STXBP5L: variants seen among roughly 807,000 people sequenced by gnomAD.
STXBP5L encodes the protein syntaxin-binding protein 5-like.
A neutral mutation model predicts 144.5 loss-of-function variants in STXBP5L; 65 were observed. That is an observed-to-expected ratio of 0.45 (90% CI 0.37 to 0.55). The LOEUF (loss-of-function observed/expected upper bound fraction) is 0.55, where lower values mean the gene tolerates loss of function less well. Among genes scored for constraint, STXBP5L ranks in the 20% least tolerant of loss-of-function variants. The probability of loss-of-function intolerance (pLI) is 0.00; values close to 1 mark genes in which losing one functional copy is unlikely to be tolerated. For synonymous variants in STXBP5L, 505 were observed against 469.6 expected (o/e 1.08, Z -0.97); for missense variants, 1,298 against 1,405.5 (o/e 0.92, Z 1.22).
intron 22 of STXBP5L, among the ~76,000 whole-genome samples, chr3:121,400,491 T>C (rs1385928212): frequency 5.3e-5 from 8 of 152,114 alleles, no homozygotes; most frequent in Non-Finnish European, 4.4e-5. Flanking sequence ...TAGCAAACAG[T>C]TTTAAAGACT....
intron 11 of STXBP5L, among the ~76,000 whole-genome samples, chr3:121,224,384 A>G (rs2049057394): frequency 6.6e-6 from 1 of 152,200 alleles, no homozygotes; most frequent in Admixed American, 6.6e-5. Context: ...CTTTATTTCC[A>G]AAGTTACTAG....
rs942065031 is a variant in STXBP5L at position 121,420,614 on chromosome 3, T to C, written c.*1517T>C. 3 of 152,166 alleles carry C rather than the reference T, an allele frequency of 2.0e-5. No individual in the cohort carries two copies. Among genetic ancestry groups the C allele is most frequent in the Admixed American group, 6.5e-5 (1 of 15,276 alleles). 9.4% of individuals were successfully genotyped at this position (152,166 alleles called of 1,614,324 possible). A position where few individuals can be genotyped will look rare whatever the true frequency, so the allele number is the denominator to read the frequency against. ...AAGTCAAAAGTTATAGGAATGTATA[T>C]ATACACATTCCAGGACCCATCCTGT... On this transcript the variant is annotated 3_prime_UTR_variant, in exon 27 of 27. Coordinates refer to ENST00000471454, the MANE Select transcript of STXBP5L (RefSeq NM_001308330.2).
intron 9 of STXBP5L, among the ~76,000 whole-genome samples, chr3:121,173,529 A>G (rs539526380): frequency 1.3e-5 from 2 of 152,082 alleles, no homozygotes; most frequent in East Asian, 1.9e-4. Flanking sequence ...TAAAAAATCT[A>G]TGTATAAGTT....
At chr3:121,109,201 CT>C (rs1454323046) in intron 5 of STXBP5L, among the ~76,000 whole-genome samples, 2 of 151,910 alleles carry the variant, frequency 1.3e-5, no homozygotes, top group Non-Finnish European at 2.9e-5. Flanking sequence ...GATTTGTTGA[CT>C]TTTTTGAAGG....
At chr3:121,406,687 C>T (rs923640588) in intron 22 of STXBP5L, among the ~76,000 whole-genome samples, 1 of 151,802 alleles carries the variant, frequency 6.6e-6, no homozygotes, top group African/African-American at 2.4e-5. Context: ...ATTAAAATTG[C>T]CACCGTGAAT....
At chr3:121,098,446 A>C (rs2043241954) in intron 5 of STXBP5L, among the ~76,000 whole-genome samples, 1 of 152,192 alleles carries the variant, frequency 6.6e-6, no homozygotes, top group African/African-American at 2.4e-5. Flanking sequence ...TGAAGACAGT[A>C]CCATGCCATG....
intron 5 of STXBP5L, among the ~76,000 whole-genome samples, chr3:121,088,093 G>C (rs1174098061): frequency 6.6e-6 from 1 of 151,702 alleles, no homozygotes; most frequent in African/African-American, 2.4e-5. Flanking sequence ...TGACAAATGG[G>C]ATCTAATTAA....
Position 120,954,120 on chromosome 3 carries a change from T to G in STXBP5L, c.190-820T>G, listed in dbSNP as rs536252524. Among the ~76,000 whole-genome samples the G allele has an allele frequency of 4.6e-5, 7 of 152,292 alleles. No homozygotes were observed. In the South Asian group the frequency reaches 1.4e-3, roughly 32 times the overall value. Reference sequence around the variant, plus strand: ...CCAGGTATCTATATTATTTTGTGGATGCATTTTCAAGTTGCAGATGTCAGT... The same window carrying G: ...CCAGGTATCTATATTATTTTGTGGAGGCATTTTCAAGTTGCAGATGTCAGT... On this transcript the variant is annotated intron_variant, in intron 2 of 26. Coordinates refer to ENST00000471454, the MANE Select transcript of STXBP5L (RefSeq NM_001308330.2).
At chr3:121,093,253 C>T (rs1410886747) in intron 5 of STXBP5L, among the ~76,000 whole-genome samples, 1 of 152,140 alleles carries the variant, frequency 6.6e-6, no homozygotes, top group Admixed American at 6.5e-5. Flanking sequence ...TTTGTCTCTG[C>T]CCGGCTTTGG....
intron 5 of STXBP5L, among the ~76,000 whole-genome samples, chr3:121,109,583 G>C (rs968728770): frequency 6.6e-6 from 1 of 152,158 alleles, no homozygotes; most frequent in African/African-American, 2.4e-5. Flanking sequence ...TATGGTCTGA[G>C]AGACTGTTAT....
intron 6 of STXBP5L, among the ~76,000 whole-genome samples, chr3:121,119,004 G>A (rs988213329): frequency 6.6e-6 from 1 of 151,436 alleles, no homozygotes; most frequent in Non-Finnish European, 1.5e-5. Context: ...AGAATTTACT[G>A]GGTTGTTAAA....
At chr3:121,118,744 A>G (rs1037861928) in intron 6 of STXBP5L, among the ~76,000 whole-genome samples, 1 of 151,582 alleles carries the variant, frequency 6.6e-6, no homozygotes, top group South Asian at 2.1e-4. Context: ...AACATATTAA[A>G]GAAATATTTA....
At chr3:121,219,807 T>C (rs1182747635) in intron 10 of STXBP5L, among the ~76,000 whole-genome samples, 1 of 152,128 alleles carries the variant, frequency 6.6e-6, no homozygotes, top group Non-Finnish European at 1.5e-5. Context: ...TGGGATGTTA[T>C]AAGGATTAAA....
At position 121,047,824 on chromosome 3, in the gene STXBP5L, T is replaced by C. The variant is rs1177877205; in HGVS notation, c.470+2289T>C. ...CAGCTTGCCACTCTGTGCCTTTTAA[T>C]TGGAGCATTTAGCCAATTTACATTC... On this transcript the variant is annotated intron_variant, in intron 5 of 26. Coordinates refer to ENST00000471454, the MANE Select transcript of STXBP5L (RefSeq NM_001308330.2). Among the ~76,000 whole-genome samples, 4 of 152,298 alleles carry C rather than the reference T, an allele frequency of 2.6e-5. No individual in the cohort carries two copies. The East Asian group carries it at 5.8e-4, about 22-fold the overall frequency.
At chr3:121,255,727 TG>T (rs2050187504) in intron 16 of STXBP5L, among the ~76,000 whole-genome samples, 1 of 152,034 alleles carries the variant, frequency 6.6e-6, no homozygotes, top group South Asian at 2.1e-4. Context: ...AACATTTTTA[TG>T]GGGTAGATCT....
chr3:121,194,967 G>A (rs1275991340), intron 9 of STXBP5L, among the ~76,000 whole-genome samples: 1 of 134,480 alleles, frequency 7.4e-6, no homozygotes, highest in African/African-American at 2.8e-5. Flanking sequence ...CCAGGCTGGA[G>A]TGCAGTGGCG....
intron 14 of STXBP5L, 59 bp from the exon 15 acceptor site, chr3:121,250,664 G>T (rs2050000113): frequency 2.9e-6 from 4 of 1,375,688 alleles, no homozygotes; most frequent in Non-Finnish European, 2.0e-6. Context: ...TGTACATTTG[G>T]AGTGATTATG....
chr3:121,057,142 A>T (rs1210342048), intron 5 of STXBP5L, among the ~76,000 whole-genome samples: 1 of 151,974 alleles, frequency 6.6e-6, no homozygotes, highest in East Asian at 1.9e-4. Flanking sequence ...TGCAACATGG[A>T]TGAAACTCAT....
At chr3:121,025,415 C>G (rs1183803980) in intron 3 of STXBP5L, among the ~76,000 whole-genome samples, 1 of 152,026 alleles carries the variant, frequency 6.6e-6, no homozygotes, top group Admixed American at 6.6e-5. Context: ...TGGGTTTTCT[C>G]TAAATATAAA....
Sources: allele counts gnomAD v4.1 joint callset (sites outside exome capture counted in the v4.1 genomes callset), GRCh38; gene constraint gnomAD v4.1.1; transcripts MANE v1.5; gene names NCBI Gene and HGNC (gene_info 2026-07-23, HGNC 2026-07-21).